The following RHOBTB3 variants were observed in gnomAD, a reference collection of about 807,000 sequenced individuals.
RHOBTB3 encodes the protein rho-related BTB domain-containing protein 3.
RHOBTB3 carries 47 observed loss-of-function variants against 67.2 expected under a neutral mutation model. That is an observed-to-expected ratio of 0.70 (90% confidence interval 0.55 to 0.89). The LOEUF (loss-of-function observed/expected upper bound fraction) is 0.89, where lower values mean the gene tolerates loss of function less well. RHOBTB3 is among the 40% of genes least tolerant of loss of function. RHOBTB3 has a pLI of 0.00. For synonymous variants in RHOBTB3, 273 were observed against 274.2 expected, an observed-to-expected ratio of 1.00 and a Z score of 0.04; for missense variants, 631 against 750.0, an observed-to-expected ratio of 0.84 and a Z score of 1.85.
chr5:95,728,999 A>G (rs1755140806), upstream of RHOBTB3, among the ~76,000 whole-genome samples: 1 of 152,214 alleles, frequency 6.6e-6, no homozygotes, highest in African/African-American at 2.4e-5. Context: ...GTTACCCTAT[A>G]TGGTCTAAAA....
chr5:95,777,053 A>G (rs562077646), intron 8 of RHOBTB3, among the ~76,000 whole-genome samples: 3 of 152,254 alleles, frequency 2.0e-5, no homozygotes, highest in African/African-American at 7.2e-5. Flanking sequence ...TATTTTCTCT[A>G]CCACTCCCAA....
chr5:95,747,936 A>G (rs1360225722), intron 3 of RHOBTB3, among the ~76,000 whole-genome samples: 3 of 152,224 alleles, frequency 2.0e-5, no homozygotes, highest in Non-Finnish European at 4.4e-5. Flanking sequence ...TTATTATATT[A>G]AAAAAGCAAA....
intron 7 of RHOBTB3, among the ~76,000 whole-genome samples, chr5:95,766,726 A>G (rs893170601): frequency 2.0e-5 from 3 of 152,162 alleles, no homozygotes; most frequent in Non-Finnish European, 4.4e-5. Flanking sequence ...CAGAAAGGAT[A>G]AAGCACTGAG....
intron 7 of RHOBTB3, among the ~76,000 whole-genome samples, chr5:95,764,387 A>G (rs987130631): frequency 6.6e-6 from 1 of 152,208 alleles, no homozygotes; most frequent in Non-Finnish European, 1.5e-5. Flanking sequence ...CTATTCAACG[A>G]GGTGGACAGT....
At chr5:95,772,012 A>G (rs1414463201) in intron 8 of RHOBTB3, among the ~76,000 whole-genome samples, 1 of 152,224 alleles carries the variant, frequency 6.6e-6, no homozygotes, top group Non-Finnish European at 1.5e-5. Flanking sequence ...TTCTGAAAGA[A>G]GGAGAATGAT....
rs1228555147 is a variant in RHOBTB3 at position 95,794,069 on chromosome 5, G to A, written c.*895G>A. On this transcript the variant is annotated 3_prime_UTR_variant, in exon 12 of 12. Transcript: ENST00000379982. ...AGAAGGAGGCTCACCGGAGGGAAGA[G>A]AACATAGTGAAGATTCCCGCCTTTG... The A allele has an allele frequency of 2.2e-6, 1 of 456,084 alleles. No individual in the cohort carries two copies. The allele number at this position is 456,084 out of a possible 1,614,324, so 28.3% of individuals were successfully genotyped here. A position where few individuals can be genotyped will look rare whatever the true frequency, so the allele number is the denominator to read the frequency against.
chr5:95,764,411 A>G (rs1745484283), intron 7 of RHOBTB3, among the ~76,000 whole-genome samples: 1 of 152,224 alleles, frequency 6.6e-6, no homozygotes, highest in South Asian at 2.1e-4. Context: ...GGATGATCTC[A>G]TCAATTATAG....
Position 95,731,445 on chromosome 5 carries a change from C to A in RHOBTB3, c.-238C>A. 8.3e-7 allele frequency: 1 copy of A among 1,206,904 alleles called. No individual in the cohort carries two copies. Among genetic ancestry groups the A allele is most frequent in the East Asian group, 3.7e-5 (1 of 27,000 alleles). 74.8% of individuals were successfully genotyped at this position (1,206,904 alleles called of 1,614,324 possible). On this transcript the variant is annotated 5_prime_UTR_variant, in exon 1 of 12. Coordinates refer to ENST00000379982, the MANE Select transcript of RHOBTB3 (RefSeq NM_014899.4). ...TCCCGCGCCCGGCGATGTTCCCGGG[C>A]ACTCCCTGAGTAGCGGCAGCTTATC...
At chr5:95,760,904 G>C (rs2112806224) in intron 6 of RHOBTB3, among the ~76,000 whole-genome samples, 1 of 152,290 alleles carries the variant, frequency 6.6e-6, no homozygotes, top group East Asian at 1.9e-4. Flanking sequence ...GGTTTATTAG[G>C]ACCTAAAAGT....
chr5:95,720,333 C>T (rs1377237449), intron 1 of RHOBTB3, among the ~76,000 whole-genome samples: 1 of 145,794 alleles, frequency 6.9e-6, no homozygotes, highest in Non-Finnish European at 1.5e-5. Flanking sequence ...TAGATCAATT[C>T]ACTTCCTGCA....
Position 95,783,825 on chromosome 5 carries a change from G to A in RHOBTB3, c.1485G>A (p.Leu495=). The A allele has an allele frequency of 6.2e-7, 1 of 1,612,614 alleles. No individual in the cohort carries two copies. The highest frequency in any genetic ancestry group is 8.5e-7 in the Non-Finnish European group (1 of 1,179,092). Residue 495 remains leucine, a synonymous_variant, in exon 10 of 12, where the codon CTG becomes CTA. Coordinates refer to ENST00000379982, the MANE Select transcript of RHOBTB3 (RefSeq NM_014899.4). The part of the protein sequence containing the change: ...PAGIFQAMCL[L]ICAEMYQVSR... ...GCATATTCCAGGCCATGTGTCTCCTGATCTGTGCCGAGATGTACCAAGTGT... is the reference window on the plus strand; with the variant it reads ...GCATATTCCAGGCCATGTGTCTCCTAATCTGTGCCGAGATGTACCAAGTGT...
rs772952921 is a variant in RHOBTB3 at position 95,731,911 on chromosome 5, A to G, written c.55A>G (p.Asn19Asp). The G allele has an allele frequency of 1.2e-6, 2 of 1,613,928 alleles. No individual in the cohort carries two copies. Among genetic ancestry groups the G allele is most frequent in the Non-Finnish European group, 8.5e-7 (1 of 1,180,018 alleles). The change falls in exon 2 of 12, where the codon AAC (asparagine) becomes GAC (aspartate). Residue 19 changes from asparagine (N) to aspartate (D), a missense_variant. Asn to Asp is a conservative substitution (Grantham distance 23, BLOSUM62 1). Coordinates refer to ENST00000379982, the MANE Select transcript of RHOBTB3 (RefSeq NM_014899.4). The stretch of plus-strand genomic sequence containing the variant: ...CGAGGGGGACACATTCCACCAGGAC[A>G]ACCGGCCGTCGGGGCTTATCCGCAC... Reference protein sequence around the residue: ...GNEGDTFHQDNRPSGLIRTYL... With the variant: ...GNEGDTFHQDDRPSGLIRTYL...
At chr5:95,759,108 C>T (rs11959859) in intron 6 of RHOBTB3, among the ~76,000 whole-genome samples, 74,410 of 152,124 alleles carry the variant, frequency 0.49, 18,923 homozygotes, top group Admixed American at 0.58. Context: ...GAATAGGGAT[C>T]GGAGGGCAGG....
rs57615515 is a variant in RHOBTB3, at chr5:95,753,233, A to ATGTG, written c.682+913_682+916dup. On this transcript the variant is annotated intron_variant, in intron 5 of 11. Coordinates refer to ENST00000379982, the MANE Select transcript of RHOBTB3 (RefSeq NM_014899.4). ...TGTATGTGTGTGTGTTGATGTGTGGATGTGTGTGTGTGTGTGTGTGTGTGT... is the reference window on the plus strand; with the variant it reads ...TGTATGTGTGTGTGTTGATGTGTGGATGTGTGTGTGTGTGTGTGTGTGTGTGTGT... Among the ~76,000 whole-genome samples the ATGTG allele has an allele frequency of 5.2e-3, 759 of 146,574 alleles. 6 individuals are homozygous for ATGTG. The highest frequency in any genetic ancestry group is 9.4e-3 in the East Asian group (47 of 5,018).
chr5:95,731,729 G>C (rs370139471), intron 1 of RHOBTB3, 45 bp downstream of exon 1: 3 of 1,612,516 alleles, frequency 1.9e-6, no homozygotes, highest in Non-Finnish European at 2.5e-6. Flanking sequence ...TCCAGCGCGT[G>C]CCGTGCGCCC....
At chr5:95,762,364 G>A (rs1228790082) in intron 6 of RHOBTB3, among the ~76,000 whole-genome samples, 2 of 152,160 alleles carry the variant, frequency 1.3e-5, no homozygotes, top group Non-Finnish European at 1.5e-5. Flanking sequence ...CAGACTGGCT[G>A]CAATTGCCTG....
chr5:95,788,780 C>T lies in RHOBTB3; in HGVS notation c.1642C>T (p.Leu548Phe). Residue 548 changes from leucine to phenylalanine, a missense_variant, in exon 11 of 12, where the codon CTT becomes TTT. Coordinates refer to ENST00000379982, the MANE Select transcript of RHOBTB3 (RefSeq NM_014899.4). Reference protein sequence around the residue: ...KKAKFHHSDCLSTWLLHFIAT... With the variant: ...KKAKFHHSDCFSTWLLHFIAT... ...CTTGCAGTTTCACCACTCTGATTGCCTTTCAACCTGGCTACTTCATTTCAT... is the reference window on the plus strand; with the variant it reads ...CTTGCAGTTTCACCACTCTGATTGCTTTTCAACCTGGCTACTTCATTTCAT... 6.3e-7 allele frequency: 1 copy of T among 1,589,144 alleles called. No homozygotes were observed. The highest frequency in any genetic ancestry group is 8.5e-7 in the Non-Finnish European group (1 of 1,170,658).
chr5:95,789,051 G>A (rs1265158715), intron 11 of RHOBTB3, 193 bp downstream of exon 11: 3 of 471,978 alleles, frequency 6.4e-6, no homozygotes, highest in Non-Finnish European at 1.1e-5. Flanking sequence ...CTTAACCTGT[G>A]TTACACAAGA....
intron 3 of RHOBTB3, among the ~76,000 whole-genome samples, chr5:95,746,093 A>G (rs1323642410): frequency 6.6e-6 from 1 of 152,148 alleles, no homozygotes; most frequent in East Asian, 1.9e-4. Flanking sequence ...TGGTGAGTGA[A>G]CAAAAACAAA....
Sources: allele counts gnomAD v4.1 joint callset (sites outside exome capture counted in the v4.1 genomes callset), GRCh38; gene constraint gnomAD v4.1.1; transcripts MANE v1.5; gene names NCBI Gene and HGNC (gene_info 2026-07-23, HGNC 2026-07-21).